Variants in STK25 observed in about 807,000 individuals in gnomAD.
STK25 encodes the protein serine/threonine kinase 25.
STK25 carries 29 observed loss-of-function variants against 53.8 expected under a neutral mutation model. That is an observed-to-expected ratio of 0.54 (90% CI 0.40 to 0.74). The LOEUF is 0.74. Among genes scored for constraint, STK25 ranks in the 30% least tolerant of loss-of-function variants. The probability of loss-of-function intolerance (pLI) is 0.00; values close to 1 mark genes in which losing one functional copy is unlikely to be tolerated. For synonymous variants in STK25, 247 were observed against 238.3 expected (o/e 1.04, Z -0.33); for missense variants, 420 against 568.0 (o/e 0.74, Z 2.65).
intron 2 of STK25, among the ~76,000 whole-genome samples, chr2:241,503,255 A>C (rs760465661): frequency 2.0e-5 from 3 of 151,702 alleles, no homozygotes; most frequent in Admixed American, 6.6e-5. Context: ...AGTAGAGATA[A>C]GGTTTCACCA....
intron 2 of STK25, chr2:241,503,953 G>A (rs939539879): frequency 1.9e-5 from 9 of 463,300 alleles, no homozygotes; most frequent in East Asian, 1.4e-4. Context: ...AGCCTGAGGC[G>A]ACACTTCCGT....
At chr2:241,505,693 A>G (rs1464200665) in intron 2 of STK25, among the ~76,000 whole-genome samples, 1 of 152,150 alleles carries the variant, frequency 6.6e-6, no homozygotes, top group African/African-American at 2.4e-5. Context: ...CGGACCCCTA[A>G]GCCAGAGCCA....
rs376803535 is a variant in STK25, at chr2:241,496,381, G to A, written c.1241+17C>T. 1 of 1,608,332 alleles carries A rather than the reference G, an allele frequency of 6.2e-7. No homozygotes were observed. Among genetic ancestry groups the A allele is most frequent in the Non-Finnish European group, 8.5e-7 (1 of 1,176,576 alleles). On this transcript the variant is annotated intron_variant, in intron 11 of 11. Coordinates refer to ENST00000316586, the MANE Select transcript of STK25 (RefSeq NM_001271977.2). The surrounding 1 kb of genome is among the most constrained non-coding windows in gnomAD (Gnocchi z 5.8). ...GTGGGGGTGCTCTCCCCGACCCTAT[G>A]GCACGGCCGCCCTCACCTCTGCACT...
intron 10 of STK25, 164 bp downstream of exon 10, chr2:241,497,452 G>C: frequency 1.5e-6 from 1 of 686,474 alleles, no homozygotes; most frequent in Non-Finnish European, 2.5e-6. Context: ...AGTCATTGCA[G>C]CAGATTCTGC....
At position 241,503,570 on chromosome 2, in the gene STK25, G is replaced by A. The variant is rs113171418; in HGVS notation, c.31-1862C>T. On this transcript the variant is annotated intron_variant, in intron 2 of 11. Coordinates refer to ENST00000316586, the MANE Select transcript of STK25 (RefSeq NM_001271977.2). ...TACTAAAAAATACAAAAAATTAGCC[G>A]GGTGTGGTGGTGGGCGCCTGCAGTC... is the stretch of plus-strand genomic sequence containing the variant. 7.3e-5 allele frequency among the ~76,000 whole-genome samples: 11 copies of A among 151,632 alleles called. No homozygotes were observed. In the East Asian group the frequency reaches 1.8e-3, roughly 25 times the overall value.
At chr2:241,506,115 T>G (rs1246885992) in intron 2 of STK25, among the ~76,000 whole-genome samples, 1 of 151,986 alleles carries the variant, frequency 6.6e-6, no homozygotes, top group Non-Finnish European at 1.5e-5. Context: ...ACTGGCCAGG[T>G]AGAGGGGAGA....
chr2:241,502,839 G>GA (rs2065595902), intron 2 of STK25, among the ~76,000 whole-genome samples: 1 of 152,138 alleles, frequency 6.6e-6, no homozygotes, highest in African/African-American at 2.4e-5. Flanking sequence ...CACGTATTTA[G>GA]AAAGGGCTTC....
Position 241,508,524 on chromosome 2 carries a change from G to A in STK25, c.-182C>T, listed in dbSNP as rs2065997721. ...TCCCACCCGCAGCCTCTGTTCGCCC[G>A]GGGACCCCGGGCCTCCCAGCCCGCG... On this transcript the variant is annotated 5_prime_UTR_variant, in exon 1 of 12. Coordinates refer to ENST00000316586, the MANE Select transcript of STK25 (RefSeq NM_001271977.2). 2.0e-6 allele frequency: 2 copies of A among 1,007,212 alleles called. No homozygotes were observed. The highest frequency in any genetic ancestry group is 2.4e-6 in the Non-Finnish European group (2 of 842,552). 62.4% of individuals were successfully genotyped at this position (1,007,212 alleles called of 1,614,324 possible).
At position 241,501,541 on chromosome 2, in the gene STK25, C is replaced by T. The variant is rs767684321; in HGVS notation, c.198G>A (p.Glu66=). The change falls in exon 3 of 12, where the codon GAG becomes GAA. Residue 66 remains glutamate (E), a synonymous_variant. Coordinates refer to ENST00000316586, the MANE Select transcript of STK25 (RefSeq NM_001271977.2). The surrounding 1 kb of genome is among the most constrained non-coding windows in gnomAD (Gnocchi z 5.3). Reference sequence around the variant, plus strand: ...TGTCGCACTGACTGAGGACAGTGATCTCCTGCTGGATGTCCTCGATCTCAT... The same window carrying T: ...TGTCGCACTGACTGAGGACAGTGATTTCCTGCTGGATGTCCTCGATCTCAT... ...AEDEIEDIQQ[E]ITVLSQCDSP... 2.5e-6 allele frequency: 4 copies of T among 1,614,118 alleles called. No homozygotes were observed. Among genetic ancestry groups the T allele is most frequent in the Non-Finnish European group, 2.5e-6 (3 of 1,180,038 alleles).
At chr2:241,505,776 C>G (rs1467603741) in intron 2 of STK25, among the ~76,000 whole-genome samples, 1 of 152,212 alleles carries the variant, frequency 6.6e-6, no homozygotes, top group South Asian at 2.1e-4. Flanking sequence ...ACAATGACAT[C>G]GCAGGCCAAG....
Position 241,496,338 on chromosome 2 carries a change from C to T in STK25, c.1241+60G>A. Reference sequence around the variant, plus strand: ...CCCACGAGTGAGCACTGGACCTCACCCCACGTCCAGCTTCTTGGTGGGGGT... The same window carrying T: ...CCCACGAGTGAGCACTGGACCTCACTCCACGTCCAGCTTCTTGGTGGGGGT... On this transcript the variant is annotated intron_variant, in intron 11 of 11. Transcript: ENST00000316586. This position sits in a 1 kb window ranked among gnomAD's most constrained non-coding sequence, Gnocchi z 5.8. 2 of 1,573,834 alleles carry T rather than the reference C, an allele frequency of 1.3e-6. No individual in the cohort carries two copies. The highest frequency in any genetic ancestry group is 1.7e-5 in the Admixed American group (1 of 58,666).
rs372254478 is a variant in STK25 at position 241,496,295 on chromosome 2, G to A, written c.1241+103C>T. 73 of 1,416,548 alleles carry A rather than the reference G, an allele frequency of 5.2e-5. No homozygotes were observed. The East Asian group carries it at 9.9e-4, about 19-fold the overall frequency. The allele number at this position is 1,416,548 out of a possible 1,614,324, so 87.7% of individuals were successfully genotyped here. ...TCCCAGAGTGAAGCGAGCCCATGTA[G>A]TGCCAAATGCAGCCACACCCACGAG... On this transcript the variant is annotated intron_variant, in intron 11 of 11. Coordinates refer to ENST00000316586, the MANE Select transcript of STK25 (RefSeq NM_001271977.2). This position sits in a 1 kb window ranked among gnomAD's most constrained non-coding sequence, Gnocchi z 5.8.
At chr2:241,508,283 C>CG in intron 1 of STK25, 148 bp from the exon 2 acceptor site, 1 of 1,272,428 alleles carries the variant, frequency 7.9e-7, no homozygotes, top group Non-Finnish European at 9.9e-7. Context: ...CCCAGGCTCC[C>CG]GGGGGCTCGC....
rs1354065950 is a variant in STK25 at position 241,492,756 on chromosome 2, A to G, written c.*2906T>C. ...TGGAATGTCACTCTAGGTTTTTAACATGCTTCTGTTGGACTTAAGTACTGA... is the reference window on the plus strand; with the variant it reads ...TGGAATGTCACTCTAGGTTTTTAACGTGCTTCTGTTGGACTTAAGTACTGA... On this transcript the variant is annotated 3_prime_UTR_variant, in exon 12 of 12. Transcript: ENST00000316586. 12 of 564,172 alleles carry G rather than the reference A, an allele frequency of 2.1e-5. No homozygotes were observed. Among genetic ancestry groups the G allele is most frequent in the East Asian group, 1.7e-4 (6 of 35,116 alleles). 34.9% of individuals were successfully genotyped at this position (564,172 alleles called of 1,614,324 possible). A position where few individuals can be genotyped will look rare whatever the true frequency, so the allele number is the denominator to read the frequency against.
In STK25 at chr2:241,493,549, G is replaced by A; in HGVS notation, c.*2113C>T. ...GGCAAGTTTTCTGGGCCCTGGAAAG[G>A]AAGGGCTGAGCAATGCTTCCAGCAT... On this transcript the variant is annotated 3_prime_UTR_variant, in exon 12 of 12. Transcript: ENST00000316586. 9.5e-7 allele frequency: 1 copy of A among 1,051,230 alleles called. No individual in the cohort carries two copies. The highest frequency in any genetic ancestry group is 1.4e-6 in the Non-Finnish European group (1 of 692,366). The allele number at this position is 1,051,230 out of a possible 1,614,324, so 65.1% of individuals were successfully genotyped here.
Position 241,493,001 on chromosome 2 carries a change from A to T in STK25, c.*2661T>A. The T allele has an allele frequency of 6.2e-7, 1 of 1,610,564 alleles. No homozygotes were observed. The highest frequency in any genetic ancestry group is 1.7e-5 in the Admixed American group (1 of 60,026). On this transcript the variant is annotated 3_prime_UTR_variant, in exon 12 of 12. Transcript: ENST00000316586. ...CTGGCAGAAGCTCTGGGTCGTCTTT[A>T]CCAACTTCTGTTTGTTCTTCTACAA...
chr2:241,503,605 C>T (rs1466811439), intron 2 of STK25, among the ~76,000 whole-genome samples: 4 of 148,214 alleles, frequency 2.7e-5, no homozygotes, highest in African/African-American at 5.0e-5. Flanking sequence ...CCCAGCTACT[C>T]GGGAGGCTGA....
Position 241,499,267 on chromosome 2 carries a change from T to C in STK25, c.575A>G (p.Tyr192Cys). 5 of 1,613,966 alleles carry C rather than the reference T, an allele frequency of 3.1e-6. No homozygotes were observed. The highest frequency in any genetic ancestry group is 4.2e-6 in the Non-Finnish European group (5 of 1,179,996). The change falls in exon 6 of 12, where the codon TAC becomes TGC. Residue 192 changes from tyrosine (Y) to cysteine (C), a missense_variant. Transcript: ENST00000316586. Reference sequence around the variant, plus strand: ...GCCCGCTGCACCCACCTTGAAGTCGTAGGCCGACTGCTTGATGACCTCAGG... The same window carrying C: ...GCCCGCTGCACCCACCTTGAAGTCGCAGGCCGACTGCTTGATGACCTCAGG... ...MAPEVIKQSA[Y>C]DFKADIWSLG...
intron 8 of STK25, 113 bp downstream of exon 8, chr2:241,498,526 C>A: frequency 1.4e-6 from 2 of 1,407,574 alleles, no homozygotes; most frequent in Non-Finnish European, 1.9e-6. Context: ...GGGTCCCTGC[C>A]CAACACTATA....
Sources: gnomAD v4.1 joint callset for allele counts (sites outside exome capture counted in the v4.1 genomes callset) on GRCh38, gnomAD v4.1.1 for gene constraint, Gnocchi (gnomAD v3.1) non-coding constraint, MANE v1.5 for transcripts, NCBI Gene and HGNC (gene_info 2026-07-23, HGNC 2026-07-21) for gene names.